The following ARHGAP21 variants were observed in gnomAD, a reference collection of about 807,000 sequenced individuals.
The protein encoded by ARHGAP21 is Rho GTPase activating protein 21.
Under a neutral mutation model 164.6 loss-of-function variants are expected in ARHGAP21, and 38 were observed. That is an observed-to-expected ratio of 0.23 (90% CI 0.18 to 0.30). ARHGAP21 has a LOEUF of 0.30. Among genes scored for constraint, ARHGAP21 ranks in the 10% least tolerant of loss-of-function variants. The probability of loss-of-function intolerance (pLI) is 1.00; values close to 1 mark genes in which losing one functional copy is unlikely to be tolerated. For synonymous variants in ARHGAP21, 766 were observed against 857.9 expected, an observed-to-expected ratio of 0.89 and a Z score of 1.87; for missense variants, 1,822 against 2,370.7, an observed-to-expected ratio of 0.77 and a Z score of 4.81.
intron 1 of ARHGAP21, chr10:24,723,243 G>C (rs1182063038): frequency 6.6e-6 from 1 of 151,054 alleles, no homozygotes; most frequent in African/African-American, 2.4e-5. Flanking sequence ...CGGCCGGGAC[G>C]CGCTAGGCCG....
chr10:24,587,663 T>C (rs936786485), intron 25 of ARHGAP21, among the ~76,000 whole-genome samples: 3 of 152,226 alleles, frequency 2.0e-5, no homozygotes, highest in Non-Finnish European at 2.9e-5. Flanking sequence ...GGGCTCTCAA[T>C]TGGGAGACCT....
intron 9 of ARHGAP21, among the ~76,000 whole-genome samples, chr10:24,614,050 A>AATTT (rs970327649): frequency 2.0e-5 from 3 of 152,232 alleles, no homozygotes; most frequent in Non-Finnish European, 4.4e-5. Context: ...CAACAAATTC[A>AATTT]ACATTTACTT....
chr10:24,596,655 G>A (rs774385043), intron 17 of ARHGAP21, 85 bp downstream of exon 17: 24 of 1,560,004 alleles, frequency 1.5e-5, no homozygotes, highest in Admixed American at 3.8e-5. Context: ...AGTCTCTGTT[G>A]TCTGAAAGGC....
intron 24 of ARHGAP21, 56 bp from the exon 25 acceptor site, chr10:24,589,358 C>A: frequency 6.8e-7 from 1 of 1,469,072 alleles, no homozygotes; most frequent in Non-Finnish European, 9.4e-7. Flanking sequence ...CTGCTTTCCA[C>A]AAACAATGCA....
At chr10:24,599,968 C>T (rs1275235767) in intron 14 of ARHGAP21, among the ~76,000 whole-genome samples, 5 of 151,978 alleles carry the variant, frequency 3.3e-5, no homozygotes, top group South Asian at 2.1e-4. Flanking sequence ...CCCATCACTA[C>T]TAAAAATACA....
At chr10:24,631,613 T>A (rs926690825) in intron 6 of ARHGAP21, among the ~76,000 whole-genome samples, 3 of 152,238 alleles carry the variant, frequency 2.0e-5, no homozygotes, top group Non-Finnish European at 4.4e-5. Flanking sequence ...AACCACAGGT[T>A]CAAATAAATT....
chr10:24,676,954 A>T (rs1841311932), intron 2 of ARHGAP21, among the ~76,000 whole-genome samples: 1 of 152,206 alleles, frequency 6.6e-6, no homozygotes, highest in Non-Finnish European at 1.5e-5. Context: ...CTGTAATCCG[A>T]GCACTTTGAG....
chr10:24,673,599 C>G (rs546367289), intron 2 of ARHGAP21, among the ~76,000 whole-genome samples: 1 of 152,328 alleles, frequency 6.6e-6, no homozygotes, highest in Non-Finnish European at 1.5e-5. Flanking sequence ...TGGTGGCTCA[C>G]GCCTGTAATC....
chr10:24,709,241 A>G (rs570408013), intron 2 of ARHGAP21, among the ~76,000 whole-genome samples: 1 of 152,320 alleles, frequency 6.6e-6, no homozygotes, highest in African/African-American at 2.4e-5. Flanking sequence ...CATCAATAAC[A>G]AGTAGCAAGG....
chr10:24,675,965 T>G (rs1221738561), intron 2 of ARHGAP21, among the ~76,000 whole-genome samples: 2 of 152,076 alleles, frequency 1.3e-5, no homozygotes, highest in African/African-American at 4.8e-5. Flanking sequence ...CTGGCCAACA[T>G]GGTGAAACCC....
chr10:24,711,092 T>A, intron 2 of ARHGAP21, among the ~76,000 whole-genome samples: 1 of 12,054 alleles, frequency 8.3e-5, no homozygotes, highest in African/African-American at 3.7e-4. Flanking sequence ...AGACTCCATC[T>A]CAAAAAAAAA....
intron 6 of ARHGAP21, among the ~76,000 whole-genome samples, chr10:24,631,423 C>CTATG (rs1835847523): frequency 1.5e-5 from 2 of 133,076 alleles, no homozygotes; most frequent in Admixed American, 1.5e-4. Context: ...GTGCTACTAT[C>CTATG]TCCACCAAAT....
intron 2 of ARHGAP21, among the ~76,000 whole-genome samples, chr10:24,697,682 C>T (rs962824357): frequency 2.6e-5 from 4 of 151,912 alleles, no homozygotes; most frequent in African/African-American, 9.7e-5. Context: ...CACGGTGAAA[C>T]CCCGTCTCTA....
At chr10:24,644,794 C>T (rs1837397256) in intron 4 of ARHGAP21, among the ~76,000 whole-genome samples, 1 of 152,190 alleles carries the variant, frequency 6.6e-6, no homozygotes, top group South Asian at 2.1e-4. Context: ...TGTCTTCATT[C>T]TACATGTCTT....
rs765764635 is a variant in ARHGAP21, at chr10:24,602,107, T to C, written c.2722-4A>G. ...ATGACTTTTGGCTGTCTGCGATCTATAGAAAAGACCAAGAAAACAGTAAAA... is the reference window on the plus strand; with the variant it reads ...ATGACTTTTGGCTGTCTGCGATCTACAGAAAAGACCAAGAAAACAGTAAAA... On this transcript the variant is annotated splice_region_variant and splice_polypyrimidine_tract_variant and intron_variant, in intron 12 of 25. Coordinates refer to ENST00000396432, the MANE Select transcript of ARHGAP21 (RefSeq NM_020824.4). The C allele has an allele frequency of 1.9e-6, 3 of 1,611,592 alleles. No individual in the cohort carries two copies. Among genetic ancestry groups the C allele is most frequent in the South Asian group, 1.1e-5 (1 of 90,396 alleles).
At chr10:24,608,485 A>C (rs529936731) in intron 9 of ARHGAP21, among the ~76,000 whole-genome samples, 1 of 152,220 alleles carries the variant, frequency 6.6e-6, no homozygotes, top group African/African-American at 2.4e-5. Context: ...CTAATACTTG[A>C]GGCCAAGAAA....
chr10:24,642,810 T>G (rs1036723392), intron 4 of ARHGAP21, among the ~76,000 whole-genome samples: 14 of 152,160 alleles, frequency 9.2e-5, no homozygotes, highest in African/African-American at 2.9e-4. Flanking sequence ...GTATTCAAGT[T>G]CAGTAAGTTC....
At chr10:24,674,494 C>T (rs1196918323) in intron 2 of ARHGAP21, among the ~76,000 whole-genome samples, 1 of 152,110 alleles carries the variant, frequency 6.6e-6, no homozygotes, top group Non-Finnish European at 1.5e-5. Context: ...GCACTCCAGC[C>T]TGGGCAACAG....
intron 2 of ARHGAP21, among the ~76,000 whole-genome samples, chr10:24,673,150 A>C (rs1840875755): frequency 6.6e-6 from 1 of 152,344 alleles, no homozygotes; most frequent in Non-Finnish European, 1.5e-5. Context: ...TTGCAATCCC[A>C]ATCAAAATCT....
Sources: allele counts gnomAD v4.1 joint callset (sites outside exome capture counted in the v4.1 genomes callset), GRCh38; gene constraint gnomAD v4.1.1; transcripts MANE v1.5; gene names NCBI Gene and HGNC (gene_info 2026-07-23, HGNC 2026-07-21).